Variants in LATS1 observed in about 807,000 individuals in gnomAD.
LATS1 encodes serine/threonine-protein kinase LATS1.
LATS1 carries 25 observed loss-of-function variants against 106.6 expected under a neutral mutation model. That is an observed-to-expected ratio of 0.23 (90% CI 0.17 to 0.33). LATS1 has a LOEUF of 0.33. Ranked by LOEUF, LATS1 falls within the 10% of genes least tolerant of loss-of-function variation. LATS1 has a pLI of 1.00. For synonymous variants in LATS1, 465 were observed against 455.6 expected, an observed-to-expected ratio of 1.02 and a Z score of -0.26; for missense variants, 1,040 against 1,382.6, an observed-to-expected ratio of 0.75 and a Z score of 3.93.
intron 1 of LATS1, among the ~76,000 whole-genome samples, chr6:149,711,639 G>A (rs578209582): frequency 1.2e-4 from 19 of 152,098 alleles, no homozygotes; most frequent in South Asian, 6.3e-4. Flanking sequence ...TTGGGTCCCC[G>A]ACTTCTATGA....
At chr6:149,670,171 C>CAAAAAAAAAAAAAAAAAA (rs1177166262) in intron 7 of LATS1, among the ~76,000 whole-genome samples, 1 of 31,656 alleles carries the variant, frequency 3.2e-5, no homozygotes, top group Non-Finnish European at 7.3e-5. Flanking sequence ...AATTGCATCT[C>CAAAAAAAAAAAAAAAAAA]AAAAAAAAAA....
intron 7 of LATS1, among the ~76,000 whole-genome samples, chr6:149,669,819 A>T (rs1474464373): frequency 6.6e-6 from 1 of 151,962 alleles, no homozygotes; most frequent in African/African-American, 2.4e-5. Context: ...AAAGGGACCT[A>T]TATGGCAGTA....
chr6:149,681,952 A>C (rs1782055308), intron 4 of LATS1, among the ~76,000 whole-genome samples: 1 of 152,098 alleles, frequency 6.6e-6, no homozygotes, highest in Admixed American at 6.6e-5. Flanking sequence ...GCCTCTACTA[A>C]AAATAAAAAA....
intron 3 of LATS1, among the ~76,000 whole-genome samples, chr6:149,689,621 CTCTT>C (rs888461728): frequency 7.2e-5 from 11 of 152,120 alleles, no homozygotes; most frequent in African/African-American, 2.7e-4. Flanking sequence ...CACCAGGAAA[CTCTT>C]TCTATAGTCT....
Position 149,695,221 on chromosome 6 carries a change from C to A in LATS1, c.349G>T (p.Asp117Tyr), listed in dbSNP as rs746189857. Residue 117 changes from aspartate to tyrosine, a missense_variant and splice_region_variant, in exon 3 of 8, where the codon GAT becomes TAT. Physicochemically the swap from Asp to Tyr is radical, Grantham distance 160 (BLOSUM62 -3). Around this residue, in one of 7 missense-constraint regions of LATS1, gnomAD observed 624 missense variants for 714.8 expected, o/e 0.87. Coordinates refer to ENST00000543571, the MANE Select transcript of LATS1 (RefSeq NM_004690.4). ...QDLQAAGFDE[D>Y]MVIQALQKTN... is the part of the protein sequence containing the mutation. ...TTCTGAAGAGCTTGTATAACCATATCCTGATATGAATTGAAGTTTAAAAAA... is the reference window on the plus strand; with the variant it reads ...TTCTGAAGAGCTTGTATAACCATATACTGATATGAATTGAAGTTTAAAAAA... 8.9e-6 allele frequency: 14 copies of A among 1,575,136 alleles called. No homozygotes were observed. Among genetic ancestry groups the A allele is most frequent in the South Asian group, 1.2e-5 (1 of 86,214 alleles).
At chr6:149,683,041 T>G in intron 4 of LATS1, 38 bp downstream of exon 4, 1 of 1,504,380 alleles carries the variant, frequency 6.6e-7, no homozygotes, top group Non-Finnish European at 9.1e-7. Flanking sequence ...AGCAAACAGA[T>G]GATTAAGTAT....
Position 149,702,037 on chromosome 6 carries a change from C to T in LATS1, c.90G>A (p.Met30Ile), listed in dbSNP as rs1271291463. 73 of 1,614,054 alleles carry T rather than the reference C, an allele frequency of 4.5e-5. No individual in the cohort carries two copies. The highest frequency in any genetic ancestry group is 5.9e-5 in the Non-Finnish European group (70 of 1,180,048). ...ASNYTVSSRQ[M>I]LQEIRESLRN... Reference sequence around the variant, plus strand: ...TAAGGGATTCCCGAATTTCTTGTAACATTTGCCGGCTACTGACAGTATAGT... The same window carrying T: ...TAAGGGATTCCCGAATTTCTTGTAATATTTGCCGGCTACTGACAGTATAGT... Residue 30 changes from methionine (M) to isoleucine (I), a missense_variant, in exon 2 of 8, where the codon ATG becomes ATA. Around this residue, in one of 7 missense-constraint regions of LATS1, gnomAD observed 624 missense variants for 714.8 expected, o/e 0.87. Coordinates refer to ENST00000543571, the MANE Select transcript of LATS1 (RefSeq NM_004690.4).
chr6:149,702,350 G>A (rs546549369), intron 1 of LATS1, 84 bp from the exon 2 acceptor site: 2 of 417,896 alleles, frequency 4.8e-6, no homozygotes, highest in African/African-American at 2.0e-5. Context: ...ATTGATATAG[G>A]GGTTAAGAGA....
intron 7 of LATS1, among the ~76,000 whole-genome samples, chr6:149,667,723 T>C (rs1251331035): frequency 6.6e-6 from 1 of 152,062 alleles, no homozygotes; most frequent in Non-Finnish European, 1.5e-5. Context: ...CCAAACGGAA[T>C]AAAGCCTGAG....
At chr6:149,682,414 TC>T (rs1375280982) in intron 4 of LATS1, among the ~76,000 whole-genome samples, 87 of 151,314 alleles carry the variant, frequency 5.7e-4, no homozygotes, top group Admixed American at 2.0e-3. Context: ...ATTTCTTTTT[TC>T]TTTTTTTTTT....
chr6:149,686,484 C>A (rs746457506), intron 3 of LATS1, among the ~76,000 whole-genome samples: 1 of 152,140 alleles, frequency 6.6e-6, no homozygotes, highest in Non-Finnish European at 1.5e-5. Context: ...CCATGCCCTC[C>A]GGATCCACTC....
At chr6:149,706,535 T>C (rs975115500) in intron 1 of LATS1, among the ~76,000 whole-genome samples, 1 of 152,108 alleles carries the variant, frequency 6.6e-6, no homozygotes, top group African/African-American at 2.4e-5. Flanking sequence ...TTCCCCTTCC[T>C]AATCTTCTCT....
At position 149,672,191 on chromosome 6, in the gene LATS1, C is replaced by A. The variant is rs1781477336; in HGVS notation, c.2883+4069G>T. ...ACAGGCGTGAGCCACCATACCTGGC[C>A]AAGATCTATGATTTCTTTTCTTTTC... On this transcript the variant is annotated intron_variant, in intron 7 of 7. Coordinates refer to ENST00000543571, the MANE Select transcript of LATS1 (RefSeq NM_004690.4). 2.0e-5 allele frequency among the ~76,000 whole-genome samples: 3 copies of A among 150,880 alleles called. No individual in the cohort carries two copies. In the South Asian group the frequency reaches 6.3e-4, roughly 32 times the overall value.
chr6:149,676,070 T>C, intron 7 of LATS1, 190 bp downstream of exon 7: 4 of 545,644 alleles, frequency 7.3e-6, no homozygotes, highest in South Asian at 2.2e-5. Flanking sequence ...CAGGCTGATC[T>C]TGAACTCCTA....
At chr6:149,716,944 TTCTGATAA>T (rs1212714390) in intron 1 of LATS1, among the ~76,000 whole-genome samples, 3 of 152,204 alleles carry the variant, frequency 2.0e-5, no homozygotes, top group African/African-American at 7.2e-5. Flanking sequence ...TATCAGAAAC[TTCTGATAA>T]ACTGATAAAC....
intron 3 of LATS1, among the ~76,000 whole-genome samples, chr6:149,694,023 G>C (rs1360764434): frequency 6.6e-6 from 1 of 152,142 alleles, no homozygotes; most frequent in African/African-American, 2.4e-5. Flanking sequence ...CTGGGATGCA[G>C]AGGTTGCAGT....
At chr6:149,689,286 A>T (rs1354786012) in intron 3 of LATS1, among the ~76,000 whole-genome samples, 1 of 151,964 alleles carries the variant, frequency 6.6e-6, no homozygotes, top group African/African-American at 2.4e-5. Flanking sequence ...ATTGGATGGG[A>T]TCTAAGAGGT....
Position 149,702,116 on chromosome 6 carries a change from C to T in LATS1, c.11G>A (p.Ser4Asn), listed in dbSNP as rs531004412. The T allele has an allele frequency of 6.2e-6, 10 of 1,604,208 alleles. No homozygotes were observed. The highest frequency in any genetic ancestry group is 8.5e-6 in the Non-Finnish European group (10 of 1,174,508). Residue 4 changes from serine (S) to asparagine (N), a missense_variant, in exon 2 of 8, where the codon AGT becomes AAT. By Grantham distance (46) the Ser-to-Asn change is conservative. This residue lies in a region of LATS1 where 624 missense variants were observed against 714.8 expected (regional missense o/e 0.87). Transcript: ENST00000543571. MKR[S>N]EKPEGYRQMR... is the part of the protein sequence containing the mutation. ...TTGTCTATATCCTTCTGGCTTTTCACTCCTCTTCATGAAAACATCTATATA... is the reference window on the plus strand; with the variant it reads ...TTGTCTATATCCTTCTGGCTTTTCATTCCTCTTCATGAAAACATCTATATA...
intron 2 of LATS1, among the ~76,000 whole-genome samples, chr6:149,695,550 G>A (rs1783011291): frequency 1.3e-5 from 2 of 152,038 alleles, no homozygotes; most frequent in Admixed American, 6.6e-5. Flanking sequence ...GCTGGCGCAC[G>A]CTTGTAATTC....
Sources: allele counts gnomAD v4.1 joint callset (sites outside exome capture counted in the v4.1 genomes callset), GRCh38; gene constraint gnomAD v4.1.1; regional missense constraint gnomAD v4.1.1; transcripts MANE v1.5; gene names NCBI Gene and HGNC (gene_info 2026-07-23, HGNC 2026-07-21).